The following ZNF717 variants were observed in gnomAD, a reference collection of about 807,000 sequenced individuals.
ZNF717 encodes krueppel-like factor X17.
ZNF717 carries 9 observed loss-of-function variants against 13.8 expected under a neutral mutation model. The observed-to-expected ratio is 0.65, with a 90% CI of 0.39 to 1.14. The LOEUF (loss-of-function observed/expected upper bound fraction) is 1.14. ZNF717 is among the 50% of genes most tolerant of loss of function. The pLI is 0.01. For missense variants in ZNF717, 1,040 were observed against 1,080.7 expected (o/e 0.96, Z 0.53); for synonymous variants, 327 against 364.1 (o/e 0.90, Z 1.16).
At chr3:75,772,154 G>T (rs1470930463) in intron 2 of ZNF717, among the ~76,000 whole-genome samples, 2 of 152,324 alleles carry the variant, frequency 1.3e-5, no homozygotes, top group South Asian at 4.1e-4. Context: ...CCTCTCAGCT[G>T]CTGAGAGCTG....
Position 75,769,885 on chromosome 3 carries a change from T to C in ZNF717, c.57+13421A>G, listed in dbSNP as rs535850223. The stretch of plus-strand genomic sequence containing the variant: ...AAACATGACAGAAATGTTTAAACTA[T>C]AAACATATATTGTATATGTTAGCAT... On this transcript the variant is annotated intron_variant, in intron 2 of 4. Coordinates refer to ENST00000652011, the MANE Select transcript of ZNF717 (RefSeq NM_001290208.3). 1.7e-4 allele frequency among the ~76,000 whole-genome samples: 26 copies of C among 152,342 alleles called. No individual in the cohort carries two copies. The South Asian group carries it at 5.2e-3, about 30-fold the overall frequency.
intron 6 of ZNF717, among the ~76,000 whole-genome samples, chr3:75,695,191 A>G (rs1181580432): frequency 1.3e-5 from 2 of 152,100 alleles, no homozygotes; most frequent in Non-Finnish European, 2.9e-5. Context: ...AGCTATACTT[A>G]TACCAGACAA....
chr3:75,774,832 G>A (rs1944185110), intron 2 of ZNF717, among the ~76,000 whole-genome samples: 1 of 152,058 alleles, frequency 6.6e-6, no homozygotes, highest in Admixed American at 6.5e-5. Flanking sequence ...TGTTAGCCAG[G>A]ATGGTCTTGA....
intron 2 of ZNF717, among the ~76,000 whole-genome samples, chr3:75,773,745 C>A (rs146761507): frequency 6.6e-6 from 1 of 152,124 alleles, no homozygotes; most frequent in Admixed American, 6.5e-5. Context: ...CAGAGCAAGA[C>A]GCTATCTTTA....
chr3:75,769,763 A>G (rs1943751228), intron 2 of ZNF717, among the ~76,000 whole-genome samples: 1 of 152,236 alleles, frequency 6.6e-6, no homozygotes, highest in Admixed American at 6.5e-5. Flanking sequence ...GTTTTAGTCC[A>G]TAAACACTTA....
intron 2 of ZNF717, among the ~76,000 whole-genome samples, chr3:75,775,020 G>C (rs1024718297): frequency 5.3e-5 from 8 of 152,062 alleles, no homozygotes; most frequent in Non-Finnish European, 1.0e-4. Flanking sequence ...GGAGTGCAAT[G>C]GTGTGATTGA....
rs1316814712 is a variant in ZNF717 at position 75,737,570 on chromosome 3, CAA to C, written c.2051_2052del (p.Phe684CysfsTer66). ...RMDVMNVEKL[F>X]VRNHTLLYIR... ...ATGTATAATAAGGTATGATTTCTGA[CAA>C]AAAGTTTTTCCACATTCATTACATC... On this transcript the variant is annotated frameshift_variant, in exon 5 of 5. Coordinates refer to ENST00000652011, the MANE Select transcript of ZNF717 (RefSeq NM_001290208.3). LOFTEE classifies it low-confidence loss of function (END_TRUNC). 3.2e-6 allele frequency: 5 copies of C among 1,544,980 alleles called. No individual in the cohort carries two copies. The highest frequency in any genetic ancestry group is 2.5e-5 in the East Asian group (1 of 40,494).
chr3:75,704,602 G>A (rs1230438202), intron 6 of ZNF717, among the ~76,000 whole-genome samples: 2 of 152,310 alleles, frequency 1.3e-5, no homozygotes, highest in East Asian at 1.9e-4. Flanking sequence ...GAGGCCCTTG[G>A]GAATACTGAG....
intron 4 of ZNF717, among the ~76,000 whole-genome samples, chr3:75,719,997 T>TAATAATAATAATAATAAC: frequency 7.1e-6 from 1 of 141,098 alleles, no homozygotes; most frequent in African/African-American, 2.6e-5. Flanking sequence ...ATAATAATAA[T>TAATAATAATAATAATAAC]AACCACGGAT....
chr3:75,768,809 CATT>C (rs1943693654), intron 2 of ZNF717, among the ~76,000 whole-genome samples: 1 of 150,036 alleles, frequency 6.7e-6, no homozygotes, highest in South Asian at 2.1e-4. Flanking sequence ...ACCACAACCT[CATT>C]AAGTTCTGTC....
At chr3:75,768,066 C>T (rs751111170) in intron 2 of ZNF717, among the ~76,000 whole-genome samples, 8 of 152,246 alleles carry the variant, frequency 5.3e-5, no homozygotes, top group Non-Finnish European at 8.8e-5. Flanking sequence ...CAGGACTGAG[C>T]GTCATTCTCA....
intron 4 of ZNF717, among the ~76,000 whole-genome samples, chr3:75,716,780 ACT>A (rs2106849392): frequency 6.6e-6 from 1 of 152,304 alleles, no homozygotes; most frequent in East Asian, 1.9e-4. Flanking sequence ...TTAAAGGACC[ACT>A]GACATGAAAA....
chr3:75,734,680 C>T (rs1304715992), downstream of ZNF717, among the ~76,000 whole-genome samples: 2 of 151,494 alleles, frequency 1.3e-5, no homozygotes, highest in African/African-American at 2.4e-5. Flanking sequence ...CATGATCTGC[C>T]CACCTCGGCC....
intron 2 of ZNF717, among the ~76,000 whole-genome samples, chr3:75,781,299 T>G (rs11714955): frequency 0.28 from 42,609 of 151,074 alleles, 3,021 homozygotes; most frequent in Non-Finnish European, 0.36. Flanking sequence ...AAATGCTGAG[T>G]TGTTTCTGTA....
At chr3:75,772,874 C>T (rs1451892643) in intron 2 of ZNF717, among the ~76,000 whole-genome samples, 14 of 152,246 alleles carry the variant, frequency 9.2e-5, no homozygotes, top group Non-Finnish European at 2.1e-4. Flanking sequence ...CCTCTCAGAG[C>T]AGCTGGGGAT....
chr3:75,726,636 A>G (rs1938285409), downstream of ZNF717, among the ~76,000 whole-genome samples: 1 of 152,290 alleles, frequency 6.6e-6, no homozygotes, highest in Non-Finnish European at 1.5e-5. Flanking sequence ...ATGGAATGAC[A>G]TACTGCAGTG....
chr3:75,726,205 A>G (rs1938275429), downstream of ZNF717, among the ~76,000 whole-genome samples: 2 of 152,226 alleles, frequency 1.3e-5, no homozygotes, highest in Non-Finnish European at 2.9e-5. Context: ...TTTCTTTCCT[A>G]TCATCTGGGA....
intron 2 of ZNF717, among the ~76,000 whole-genome samples, chr3:75,779,813 G>A (rs1405812565): frequency 6.7e-6 from 1 of 150,268 alleles, no homozygotes. Context: ...AACCATGGGA[G>A]TGTCGTGCTA....
intron 2 of ZNF717, among the ~76,000 whole-genome samples, chr3:75,778,153 C>T (rs1486692194): frequency 6.6e-6 from 1 of 151,702 alleles, no homozygotes; most frequent in Non-Finnish European, 1.5e-5. Flanking sequence ...AAACCAGAAC[C>T]CAAAACAATG....
Sources: allele counts gnomAD v4.1 joint callset (sites outside exome capture counted in the v4.1 genomes callset), GRCh38; gene constraint gnomAD v4.1.1; transcripts MANE v1.5; gene names NCBI Gene and HGNC (gene_info 2026-07-23, HGNC 2026-07-21).